The following ITGA1 variants were observed in gnomAD, a reference collection of about 807,000 sequenced individuals.
ITGA1 encodes integrin subunit alpha 1.
A neutral mutation model predicts 145.9 loss-of-function variants in ITGA1; 85 were observed. The observed-to-expected ratio is 0.58, with a 90% CI of 0.49 to 0.70. ITGA1 has a LOEUF of 0.70. Among genes scored for constraint, ITGA1 ranks in the 30% least tolerant of loss-of-function variants. The pLI, the probability that ITGA1 is intolerant of heterozygous loss-of-function variation, is 0.00. For missense variants in ITGA1, 1,351 were observed against 1,418.7 expected, an observed-to-expected ratio of 0.95 and a Z score of 0.77; for synonymous variants, 520 against 495.3, an observed-to-expected ratio of 1.05 and a Z score of -0.66.
chr5:52,800,974 C>T, intron 1 of ITGA1: 1 of 1,614,210 alleles, frequency 6.2e-7, no homozygotes, highest in African/African-American at 1.3e-5. Context: ...CCAGGCTATC[C>T]AGCGCCACAT....
intron 20 of ITGA1, among the ~76,000 whole-genome samples, 161 bp from the exon 21 acceptor site, chr5:52,929,464 T>A (rs1269760776): frequency 6.6e-6 from 1 of 152,220 alleles, no homozygotes; most frequent in Non-Finnish European, 1.5e-5. Flanking sequence ...TATTATATGT[T>A]ATTCTATCTA....
intron 26 of ITGA1, 24 bp from the exon 27 acceptor site, chr5:52,944,919 G>C: frequency 6.7e-7 from 1 of 1,499,776 alleles, no homozygotes; most frequent in Non-Finnish European, 9.3e-7. Context: ...CATATATTAA[G>C]AACAAATCCT....
At chr5:52,817,144 A>G (rs1176268792) in intron 1 of ITGA1, among the ~76,000 whole-genome samples, 1 of 152,238 alleles carries the variant, frequency 6.6e-6, no homozygotes. Flanking sequence ...AGTCTGGCTT[A>G]AATATAGTAA....
chr5:52,835,756 G>A (rs904614538), intron 1 of ITGA1, among the ~76,000 whole-genome samples: 9 of 152,010 alleles, frequency 5.9e-5, no homozygotes, highest in African/African-American at 1.4e-4. Flanking sequence ...TTATTGGTTC[G>A]TTTGTTCTAA....
chr5:52,921,210 A>G (rs1482773585), intron 17 of ITGA1, among the ~76,000 whole-genome samples: 2 of 152,148 alleles, frequency 1.3e-5, no homozygotes, highest in Non-Finnish European at 2.9e-5. Flanking sequence ...TAATGAGGAA[A>G]CTGATTTTAG....
chr5:52,831,836 A>C (rs1205846286), intron 1 of ITGA1, among the ~76,000 whole-genome samples: 1 of 152,146 alleles, frequency 6.6e-6, no homozygotes, highest in East Asian at 1.9e-4. Flanking sequence ...TACATTGATT[A>C]ACATATTTGT....
intron 1 of ITGA1, among the ~76,000 whole-genome samples, chr5:52,821,160 TACG>T (rs1337511535): frequency 6.6e-6 from 1 of 152,180 alleles, no homozygotes; most frequent in African/African-American, 2.4e-5. Flanking sequence ...TACCAGCAAA[TACG>T]AAGACTTGGA....
At chr5:52,805,071 G>A (rs896296454) in intron 1 of ITGA1, among the ~76,000 whole-genome samples, 4 of 152,140 alleles carry the variant, frequency 2.6e-5, no homozygotes, top group East Asian at 1.9e-4. Flanking sequence ...TGTACAAAGT[G>A]TGTAAAAGGA....
In ITGA1 at chr5:52,851,879, A is replaced by G. The variant is rs146495360; in HGVS notation, c.182+2394A>G. On this transcript the variant is annotated intron_variant, in intron 2 of 28. Coordinates refer to ENST00000282588, the MANE Select transcript of ITGA1 (RefSeq NM_181501.2). ...ATGTAATACATTTTATGTGTCTGGC[A>G]TTATGCTAAATTCCATGGGAAATAT... Among the ~76,000 whole-genome samples the G allele has an allele frequency of 1.3e-3, 195 of 152,304 alleles. 1 individual carries two copies. The highest frequency in any genetic ancestry group is 4.4e-3 in the African/African-American group (184 of 41,556).
chr5:52,939,768 C>T (rs2452863), intron 25 of ITGA1, 72 bp from the exon 26 acceptor site: 1 of 1,437,814 alleles, frequency 7.0e-7, no homozygotes, highest in Non-Finnish European at 9.8e-7. Context: ...AAATAACCAT[C>T]TGAAGAATTT....
chr5:52,849,139 T>C (rs532570823), intron 1 of ITGA1, among the ~76,000 whole-genome samples: 3 of 152,336 alleles, frequency 2.0e-5, no homozygotes, highest in South Asian at 4.1e-4. Flanking sequence ...TCTAGATCCT[T>C]GAGGAATCGC....
rs528793195 is a variant in ITGA1, at chr5:52,885,843, G to A, written c.774-1972G>A. ...TGGTAAAGTCTCTAGTTAGAAGTTAGTTGCAGTTTCTAATTGGTAATGTTT... is the reference window on the plus strand; with the variant it reads ...TGGTAAAGTCTCTAGTTAGAAGTTAATTGCAGTTTCTAATTGGTAATGTTT... On this transcript the variant is annotated intron_variant, in intron 7 of 28. Transcript: ENST00000282588. Among the ~76,000 whole-genome samples the A allele has an allele frequency of 2.0e-4, 30 of 152,308 alleles. No individual in the cohort carries two copies. The East Asian group carries it at 5.6e-3, about 28-fold the overall frequency.
At chr5:52,951,495 A>G (rs564958993) in intron 28 of ITGA1, among the ~76,000 whole-genome samples, 15 of 152,298 alleles carry the variant, frequency 9.8e-5, no homozygotes, top group South Asian at 6.2e-4. Flanking sequence ...ATGGCTCACC[A>G]TCCACCACGA....
At chr5:52,906,279 A>G (rs1374722797) in intron 12 of ITGA1, among the ~76,000 whole-genome samples, 3 of 152,206 alleles carry the variant, frequency 2.0e-5, no homozygotes, top group Admixed American at 6.5e-5. Context: ...TTCGGGCTGA[A>G]TCTACAAGGG....
intron 22 of ITGA1, chr5:52,932,676 C>G (rs1561253324): frequency 6.6e-6 from 1 of 152,166 alleles, no homozygotes; most frequent in East Asian, 1.9e-4. Context: ...CTATAATTTC[C>G]CCTGCTTAAG....
At chr5:52,877,945 G>C (rs143563647) in intron 6 of ITGA1, among the ~76,000 whole-genome samples, 10 of 152,320 alleles carry the variant, frequency 6.6e-5, no homozygotes, top group African/African-American at 2.4e-4. Flanking sequence ...ATATATTTGT[G>C]AGGAAGCATT....
chr5:52,946,945 T>C (rs1397218286), intron 27 of ITGA1, among the ~76,000 whole-genome samples: 1 of 152,110 alleles, frequency 6.6e-6, no homozygotes, highest in Non-Finnish European at 1.5e-5. Context: ...CTTTCTCAGG[T>C]TCTTATGACA....
chr5:52,915,551 A>T lies in ITGA1; in HGVS notation c.1945A>T (p.Thr649Ser). ...AATGGATTTAAATGGTGACGGTCTG[A>T]CAGATGTGACTATTGGGGGCCTTGG... ...GEMDLNGDGL[T>S]DVTIGGLGGA... The change falls in exon 15 of 29, where the codon ACA becomes TCA. Residue 649 changes from threonine (T) to serine (S), a missense_variant. Physicochemically the swap from Thr to Ser is moderately conservative, Grantham distance 58 (BLOSUM62 1). Coordinates refer to ENST00000282588, the MANE Select transcript of ITGA1 (RefSeq NM_181501.2). 6.2e-7 allele frequency: 1 copy of T among 1,614,078 alleles called. No homozygotes were observed. The highest frequency in any genetic ancestry group is 8.5e-7 in the Non-Finnish European group (1 of 1,179,988).
At chr5:52,859,139 A>G (rs576734854) in intron 2 of ITGA1, among the ~76,000 whole-genome samples, 175 of 152,292 alleles carry the variant, frequency 1.1e-3, no homozygotes, top group African/African-American at 4.0e-3. Context: ...AGTATAATGA[A>G]CATAGTAATT....
Sources: allele counts gnomAD v4.1 joint callset (sites outside exome capture counted in the v4.1 genomes callset), GRCh38; gene constraint gnomAD v4.1.1; transcripts MANE v1.5; gene names NCBI Gene and HGNC (gene_info 2026-07-23, HGNC 2026-07-21).